The following KIF5C variants were observed in gnomAD, a reference collection of about 807,000 sequenced individuals.
KIF5C encodes the protein kinesin heavy chain isoform 5C.
In KIF5C, 18 loss-of-function variants were observed where a neutral mutation model predicts 125.2. The ratio of observed to expected loss-of-function variants is 0.14; its 90% confidence interval spans 0.10 to 0.21. KIF5C has a LOEUF of 0.21. Among genes scored for constraint, KIF5C ranks in the 10% least tolerant of loss-of-function variants. The probability of loss-of-function intolerance (pLI) is 1.00; values close to 1 mark genes in which losing one functional copy is unlikely to be tolerated. For missense variants in KIF5C, 780 were observed against 1,183.8 expected, an observed-to-expected ratio of 0.66 and a Z score of 5.01; for synonymous variants, 405 against 434.0, an observed-to-expected ratio of 0.93 and a Z score of 0.83.
intron 25 of KIF5C, 69 bp downstream of exon 25, chr2:149,011,752 C>G (rs1009091058): frequency 1.3e-6 from 2 of 1,595,446 alleles, no homozygotes; most frequent in African/African-American, 2.7e-5. Context: ...AAAGCCCCTG[C>G]CTGGCAGTGG....
At chr2:149,001,558 A>G (rs1681851380) in intron 21 of KIF5C, among the ~76,000 whole-genome samples, 1 of 151,954 alleles carries the variant, frequency 6.6e-6, no homozygotes, top group Non-Finnish European at 1.5e-5. Context: ...GGCCCAACCT[A>G]CCTTTGGAAG....
At position 148,897,528 on chromosome 2, in the gene KIF5C, A is replaced by G. The variant is rs1252763448; in HGVS notation, c.126+21785A>G. On this transcript the variant is annotated intron_variant, in intron 1 of 25. Coordinates refer to ENST00000435030, the MANE Select transcript of KIF5C (RefSeq NM_004522.3). ...TTTATTAATGCAATAAATATTTTTGAGTCCCAGCTCTGGTCCAGACACTAT... is the reference window on the plus strand; with the variant it reads ...TTTATTAATGCAATAAATATTTTTGGGTCCCAGCTCTGGTCCAGACACTAT... Among the ~76,000 whole-genome samples the G allele has an allele frequency of 2.4e-4, 36 of 152,192 alleles. 1 individual carries two copies. The highest frequency in any genetic ancestry group is 2.4e-3 in the Admixed American group (36 of 15,280).
intron 3 of KIF5C, among the ~76,000 whole-genome samples, chr2:148,935,374 A>C (rs1335639561): frequency 6.6e-6 from 1 of 152,206 alleles, no homozygotes; most frequent in Non-Finnish European, 1.5e-5. Context: ...GAGAAGCTAA[A>C]GGATTATCAT....
chr2:149,019,625 G>C (rs986381303), intron 25 of KIF5C, among the ~76,000 whole-genome samples: 5 of 152,200 alleles, frequency 3.3e-5, no homozygotes, highest in Non-Finnish European at 5.9e-5. Flanking sequence ...CTCCACAGCA[G>C]ATTGTACCAA....
Position 148,962,043 on chromosome 2 carries a change from A to G in KIF5C, c.1041A>G (p.Glu347=), listed in dbSNP as rs1682939347. The change falls in exon 11 of 26, where the codon GAA becomes GAG. Residue 347 remains glutamate, a synonymous_variant. Coordinates refer to ENST00000435030, the MANE Select transcript of KIF5C (RefSeq NM_004522.3). ...LTAEEWKKKY[E]KEKEKNKTLK... is the part of the protein sequence containing the mutation. ...CAGAAGAATGGAAGAAGAAATATGA[A>G]AAAGAGAAAGAGAAAAACAAGACTT... The G allele has an allele frequency of 6.2e-7, 1 of 1,613,924 alleles. No individual in the cohort carries two copies. The highest frequency in any genetic ancestry group is 1.3e-5 in the African/African-American group (1 of 74,948).
chr2:148,965,481 A>C (rs896614958), intron 11 of KIF5C, among the ~76,000 whole-genome samples: 4 of 152,128 alleles, frequency 2.6e-5, no homozygotes, highest in Non-Finnish European at 4.4e-5. Flanking sequence ...AAAGTTCTTA[A>C]AGGTAGAGAA....
At chr2:148,998,344 A>C in intron 18 of KIF5C, 56 bp from the exon 19 acceptor site, 1 of 1,550,596 alleles carries the variant, frequency 6.4e-7, no homozygotes, top group East Asian at 2.4e-5. Flanking sequence ...GGCTTGTCAC[A>C]GAGTGGGCTG....
chr2:148,954,211 C>T (rs1357660701), intron 10 of KIF5C, among the ~76,000 whole-genome samples: 1 of 152,042 alleles, frequency 6.6e-6, no homozygotes, highest in Non-Finnish European at 1.5e-5. Context: ...CTTTAGTTTC[C>T]TGAATGCCCA....
chr2:148,933,231 C>A (rs1682216680), intron 3 of KIF5C, among the ~76,000 whole-genome samples: 1 of 152,074 alleles, frequency 6.6e-6, no homozygotes, highest in Non-Finnish European at 1.5e-5. Context: ...GCAAGCCATC[C>A]CATATTACCC....
Position 148,924,636 on chromosome 2 carries a change from A to T in KIF5C, c.217+2409A>T, listed in dbSNP as rs1681921921. ...TCTCAAAGAGGTTGTAGGGTTTCTG[A>T]CTACCAGCACAGTAAATGGGAAGGC... On this transcript the variant is annotated intron_variant, in intron 2 of 25. Coordinates refer to ENST00000435030, the MANE Select transcript of KIF5C (RefSeq NM_004522.3). This position sits in a 1 kb window ranked among gnomAD's most constrained non-coding sequence, Gnocchi z 4.0. Among the ~76,000 whole-genome samples, 1 of 152,220 alleles carries T rather than the reference A, an allele frequency of 6.6e-6. No individual in the cohort carries two copies. The highest frequency in any genetic ancestry group is 2.4e-5 in the African/African-American group (1 of 41,454).
chr2:148,908,500 T>A (rs1574720289), intron 1 of KIF5C, among the ~76,000 whole-genome samples: 1 of 152,242 alleles, frequency 6.6e-6, no homozygotes, highest in African/African-American at 2.4e-5. Flanking sequence ...CACCCTGACC[T>A]TAGCGTAGTA....
chr2:148,983,806 T>G, intron 15 of KIF5C, 40 bp downstream of exon 15: 1 of 1,550,602 alleles, frequency 6.4e-7, no homozygotes, highest in Non-Finnish European at 8.7e-7. Flanking sequence ...CCTGCTCCTG[T>G]CAAGTTAGTA....
At chr2:148,976,285 T>TTTATTTATTTA (rs1558927695) in intron 12 of KIF5C, among the ~76,000 whole-genome samples, 4 of 52,240 alleles carry the variant, frequency 7.7e-5, no homozygotes, top group South Asian at 1.5e-3. Context: ...TTATTTATTT[T>TTTATTTATTTA]TTGAGATGGA....
In KIF5C at chr2:148,935,948, G is replaced by A. The variant is rs963623384; in HGVS notation, c.292-1336G>A. Among the ~76,000 whole-genome samples, 31 of 152,252 alleles carry A rather than the reference G, an allele frequency of 2.0e-4. No homozygotes were observed. In the East Asian group the frequency reaches 3.3e-3, roughly 16 times the overall value. The stretch of plus-strand genomic sequence containing the variant: ...AACTATTTAGATTCTTAATAGATAA[G>A]GGCATTCCAGAGGAGTATCCATTTT... On this transcript the variant is annotated intron_variant, in intron 3 of 25. Transcript: ENST00000435030.
intron 25 of KIF5C, among the ~76,000 whole-genome samples, chr2:149,020,731 A>G (rs1682510538): frequency 6.6e-6 from 1 of 152,204 alleles, no homozygotes; most frequent in Non-Finnish European, 1.5e-5. Flanking sequence ...GCGTGGAGAA[A>G]TGAACCTGTG....
intron 1 of KIF5C, among the ~76,000 whole-genome samples, chr2:148,918,571 G>A (rs147038517): frequency 6.8e-4 from 104 of 152,288 alleles, no homozygotes; most frequent in African/African-American, 2.3e-3. Context: ...GTGATAAGGA[G>A]ACAGGTAAAT....
intron 1 of KIF5C, among the ~76,000 whole-genome samples, chr2:148,907,885 C>T (rs1681178279): frequency 6.6e-6 from 1 of 152,234 alleles, no homozygotes; most frequent in South Asian, 2.1e-4. Flanking sequence ...GGCCGCCCAG[C>T]AGGCTGTCCA....
rs751468041 is a variant in KIF5C, at chr2:148,941,654, T to C, written c.441T>C (p.Leu147=). ...ACTTGGACAAAATAAGGGACTTACT[T>C]GATGGTAAGTAACCTCAGTGCTTGT... The part of the protein sequence containing the change: ...EIYLDKIRDL[L]DVSKTNLAVH... Residue 147 remains leucine, a synonymous_variant, in exon 5 of 26, where the codon CTT becomes CTC. Transcript: ENST00000435030. 3.8e-6 allele frequency: 6 copies of C among 1,559,536 alleles called. No individual in the cohort carries two copies. In the Admixed American group the frequency reaches 5.8e-5, roughly 15 times the overall value.
intron 19 of KIF5C, chr2:148,998,802 A>C: frequency 5.9e-6 from 1 of 170,654 alleles, no homozygotes; most frequent in East Asian, 1.4e-4. Context: ...GCCCCAGTAG[A>C]TGGGGGGGAG....
Sources: gnomAD v4.1 joint callset for allele counts (sites outside exome capture counted in the v4.1 genomes callset) on GRCh38, gnomAD v4.1.1 for gene constraint, Gnocchi (gnomAD v3.1) non-coding constraint, MANE v1.5 for transcripts, NCBI Gene and HGNC (gene_info 2026-07-23, HGNC 2026-07-21) for gene names.